Variants in BMPR1B observed in about 807,000 individuals in gnomAD.
The protein encoded by BMPR1B is bone morphogenetic protein receptor type 1B.
A neutral mutation model predicts 59.1 loss-of-function variants in BMPR1B; 12 were observed. The observed-to-expected ratio is 0.20, with a 90% CI of 0.13 to 0.33. BMPR1B has a LOEUF of 0.33. Among genes scored for constraint, BMPR1B ranks in the 10% least tolerant of loss-of-function variants. The pLI, the probability that BMPR1B is intolerant of heterozygous loss-of-function variation, is 1.00. For missense variants in BMPR1B, 550 were observed against 610.9 expected, an observed-to-expected ratio of 0.90 and a Z score of 1.05; for synonymous variants, 237 against 207.3, an observed-to-expected ratio of 1.14 and a Z score of -1.23.
At chr4:95,108,719 C>T (rs925181821) in intron 4 of BMPR1B, among the ~76,000 whole-genome samples, 3 of 152,192 alleles carry the variant, frequency 2.0e-5, no homozygotes, top group South Asian at 4.1e-4. Context: ...CATAGTGTGA[C>T]TGAATACAGT....
intron 3 of BMPR1B, among the ~76,000 whole-genome samples, chr4:95,085,142 G>A (rs1441345483): frequency 3.3e-5 from 5 of 152,114 alleles, no homozygotes; most frequent in Non-Finnish European, 7.3e-5. Context: ...TCTTTAGCCA[G>A]GCTGGTCTAG....
intron 2 of BMPR1B, among the ~76,000 whole-genome samples, chr4:94,911,782 G>A (rs1014079135): frequency 6.6e-6 from 1 of 152,050 alleles, no homozygotes; most frequent in Non-Finnish European, 1.5e-5. Flanking sequence ...GTTAGTAATG[G>A]TGGCTCCCCA....
intron 1 of BMPR1B, among the ~76,000 whole-genome samples, chr4:94,813,254 A>G (rs1254492517): frequency 6.6e-6 from 1 of 152,198 alleles, no homozygotes; most frequent in Non-Finnish European, 1.5e-5. Context: ...GGGAAAAAAA[A>G]GGCAGGGTGA....
chr4:94,800,447 A>ATTTTTTTTTTTTT (rs71583665), intron 1 of BMPR1B, among the ~76,000 whole-genome samples: 1 of 120,108 alleles, frequency 8.3e-6, no homozygotes, highest in African/African-American at 3.2e-5. Context: ...GGTCTTTACT[A>ATTTTTTTTTTTTT]TTTTTTTTTT....
intron 3 of BMPR1B, among the ~76,000 whole-genome samples, chr4:95,099,990 A>T (rs1486553187): frequency 6.6e-6 from 1 of 152,184 alleles, no homozygotes; most frequent in Non-Finnish European, 1.5e-5. Flanking sequence ...TTAAATTTAA[A>T]ATACATAAGT....
intron 1 of BMPR1B, among the ~76,000 whole-genome samples, chr4:94,849,079 C>G: frequency 6.6e-6 from 1 of 152,042 alleles, no homozygotes; most frequent in East Asian, 1.9e-4. Context: ...TAGGTTTTAC[C>G]TAAAGCCACT....
chr4:94,925,218 AAT>A (rs1728840778), intron 2 of BMPR1B, among the ~76,000 whole-genome samples: 1 of 152,046 alleles, frequency 6.6e-6, no homozygotes, highest in African/African-American at 2.4e-5. Flanking sequence ...CAGCAGCATA[AAT>A]GTCTTACACT....
At chr4:94,805,665 T>C (rs1281660308) in intron 1 of BMPR1B, among the ~76,000 whole-genome samples, 2 of 152,152 alleles carry the variant, frequency 1.3e-5, no homozygotes, top group Non-Finnish European at 2.9e-5. Flanking sequence ...AGCATAATTA[T>C]ATTTTTCTGA....
chr4:95,068,054 G>C (rs1404310516), intron 3 of BMPR1B, among the ~76,000 whole-genome samples: 1 of 152,152 alleles, frequency 6.6e-6, no homozygotes, highest in Non-Finnish European at 1.5e-5. Context: ...ACTGCACAGG[G>C]TTTAGTGTCA....
chr4:94,958,994 C>G (rs1730259735), intron 2 of BMPR1B, among the ~76,000 whole-genome samples: 1 of 152,006 alleles, frequency 6.6e-6, no homozygotes, highest in South Asian at 2.1e-4. Context: ...CACGAGGAAG[C>G]TGATTTGGCT....
At position 94,825,108 on chromosome 4, in the gene BMPR1B, T is replaced by C. The variant is rs1358581164; in HGVS notation, c.-182-50723T>C. Reference sequence around the variant, plus strand: ...GCTCAATAATGTCATTCCAGACTCATGTTAAGTGTTCTTTTTGTGGATGGG... The same window carrying C: ...GCTCAATAATGTCATTCCAGACTCACGTTAAGTGTTCTTTTTGTGGATGGG... On this transcript the variant is annotated intron_variant, in intron 1 of 12. Transcript: ENST00000515059. Among the ~76,000 whole-genome samples, 3 of 152,156 alleles carry C rather than the reference T, an allele frequency of 2.0e-5. No homozygotes were observed. The South Asian group carries it at 6.2e-4, about 32-fold the overall frequency.
At chr4:95,034,610 C>T (rs904975288) in intron 3 of BMPR1B, among the ~76,000 whole-genome samples, 2 of 151,396 alleles carry the variant, frequency 1.3e-5, no homozygotes, top group Non-Finnish European at 2.9e-5. Context: ...GCCATTGTTT[C>T]ATTTTTTTAT....
intron 2 of BMPR1B, among the ~76,000 whole-genome samples, chr4:94,936,491 T>A (rs1229338815): frequency 1.3e-5 from 2 of 151,972 alleles, no homozygotes; most frequent in Non-Finnish European, 2.9e-5. Context: ...AGGTTTTTTG[T>A]TGTTGTTGTT....
intron 3 of BMPR1B, among the ~76,000 whole-genome samples, chr4:95,045,841 G>A (rs1276089501): frequency 1.3e-5 from 2 of 152,066 alleles, no homozygotes; most frequent in African/African-American, 4.8e-5. Flanking sequence ...CAGTAGACAC[G>A]ATCCCCCCAA....
intron 2 of BMPR1B, among the ~76,000 whole-genome samples, chr4:94,979,153 G>A (rs1383139915): frequency 6.6e-6 from 1 of 151,974 alleles, no homozygotes; most frequent in East Asian, 1.9e-4. Context: ...TTCATGACAC[G>A]TGGGGATTAT....
intron 2 of BMPR1B, among the ~76,000 whole-genome samples, chr4:94,921,448 G>A (rs1728682068): frequency 6.6e-6 from 1 of 152,066 alleles, no homozygotes; most frequent in African/African-American, 2.4e-5. Context: ...CATCTGCTTG[G>A]CTTTTGGAGA....
chr4:94,865,884 A>G (rs1183905234), intron 1 of BMPR1B, among the ~76,000 whole-genome samples: 2 of 152,156 alleles, frequency 1.3e-5, no homozygotes, highest in African/African-American at 2.4e-5. Flanking sequence ...GGTCTTATCA[A>G]ATGTGTTAAG....
chr4:94,882,954 C>CTG (rs375411142), intron 2 of BMPR1B, among the ~76,000 whole-genome samples: 4 of 146,460 alleles, frequency 2.7e-5, no homozygotes, highest in Admixed American at 1.4e-4. Flanking sequence ...CTTTTCTTTC[C>CTG]TGTGTGTGTG....
At chr4:94,888,820 G>A (rs893693151) in intron 2 of BMPR1B, among the ~76,000 whole-genome samples, 2 of 151,900 alleles carry the variant, frequency 1.3e-5, no homozygotes, top group Admixed American at 1.3e-4. Flanking sequence ...CAATTTTATT[G>A]TTAGAAATGC....
Sources: allele counts gnomAD v4.1 joint callset (sites outside exome capture counted in the v4.1 genomes callset), GRCh38; gene constraint gnomAD v4.1.1; transcripts MANE v1.5; gene names NCBI Gene and HGNC (gene_info 2026-07-23, HGNC 2026-07-21).